The following UNC13C variants were observed in gnomAD, a reference collection of about 807,000 sequenced individuals.
UNC13C encodes unc-13 homolog C, also known as protein unc-13 homolog C.
Under a neutral mutation model 245.4 loss-of-function variants are expected in UNC13C, and 174 were observed. The observed-to-expected ratio is 0.71, with a 90% CI of 0.63 to 0.80. The LOEUF (loss-of-function observed/expected upper bound fraction) is 0.80, where lower values mean the gene tolerates loss of function less well. Among genes scored for constraint, UNC13C ranks in the 30% least tolerant of loss-of-function variants. The pLI is 0.00. For missense variants in UNC13C, 2,829 were observed against 2,602.9 expected, an observed-to-expected ratio of 1.09 and a Z score of -1.89; for synonymous variants, 992 against 895.1, an observed-to-expected ratio of 1.11 and a Z score of -1.93.
chr15:54,031,993 C>T (rs990453106), intron 2 of UNC13C, among the ~76,000 whole-genome samples: 2 of 152,012 alleles, frequency 1.3e-5, no homozygotes, highest in African/African-American at 4.8e-5. Context: ...CTTTTCTTAC[C>T]CCAATGTAAA....
the UNC13C span, among the ~76,000 whole-genome samples, chr15:53,892,412 A>G: frequency 2.0e-5 from 3 of 152,028 alleles, no homozygotes; most frequent in African/African-American, 4.8e-5. Flanking sequence ...CTGAATTTGA[A>G]TGTTGGCCTG....
chr15:54,214,085 T>C (rs539137878), intron 4 of UNC13C, among the ~76,000 whole-genome samples: 2 of 152,176 alleles, frequency 1.3e-5, no homozygotes, highest in East Asian at 1.9e-4. Context: ...CATTCCCTAA[T>C]TGGCAGTTCA....
intron 1 of UNC13C, among the ~76,000 whole-genome samples, chr15:54,007,679 T>C (rs187038702): frequency 4.3e-4 from 65 of 152,270 alleles, no homozygotes; most frequent in African/African-American, 1.3e-3. Context: ...AATACCTATG[T>C]AATGGGTTGA....
At chr15:54,299,809 T>G (rs193078346) in intron 12 of UNC13C, among the ~76,000 whole-genome samples, 3 of 152,138 alleles carry the variant, frequency 2.0e-5, no homozygotes, top group Admixed American at 6.6e-5. Context: ...TGGCGATGTA[T>G]GGTTTAATAA....
At chr15:54,316,576 C>T (rs1261995713) in intron 13 of UNC13C, among the ~76,000 whole-genome samples, 1 of 151,890 alleles carries the variant, frequency 6.6e-6, no homozygotes, top group Non-Finnish European at 1.5e-5. Flanking sequence ...AAATTTATTA[C>T]ATGACCGATT....
intron 19 of UNC13C, among the ~76,000 whole-genome samples, chr15:54,448,611 G>A (rs1349432399): frequency 6.6e-6 from 1 of 151,434 alleles, no homozygotes; most frequent in African/African-American, 2.4e-5. Flanking sequence ...GCCTTTTTTT[G>A]TTCTCCATTT....
chr15:54,073,834 T>A (rs886410399), intron 2 of UNC13C, among the ~76,000 whole-genome samples: 2 of 152,230 alleles, frequency 1.3e-5, no homozygotes, highest in African/African-American at 4.8e-5. Flanking sequence ...AGGTTGCCTG[T>A]TAACTCTGAT....
intron 4 of UNC13C, among the ~76,000 whole-genome samples, chr15:54,181,276 T>A (rs1478140798): frequency 6.6e-6 from 1 of 152,048 alleles, no homozygotes; most frequent in Non-Finnish European, 1.5e-5. Context: ...CATTGCTTAT[T>A]TTTGTAGACT....
At chr15:53,960,329 T>C in the UNC13C span, among the ~76,000 whole-genome samples, 1 of 147,080 alleles carries the variant, frequency 6.8e-6, no homozygotes, top group African/African-American at 2.5e-5. Flanking sequence ...ATATAATCTA[T>C]ATCATGTTTT....
At chr15:54,526,740 GAA>G (rs1164016477) in intron 25 of UNC13C, among the ~76,000 whole-genome samples, 11 of 63,104 alleles carry the variant, frequency 1.7e-4, no homozygotes, top group Non-Finnish European at 1.3e-4. Flanking sequence ...ACTCCGTCTA[GAA>G]AAAAAAAAAA....
downstream of UNC13C, chr15:54,630,142 G>A (rs1901424778): frequency 6.6e-6 from 1 of 152,094 alleles, no homozygotes; most frequent in Non-Finnish European, 1.5e-5. Context: ...GCTTGTCTAT[G>A]GATAAACCTC....
At chr15:53,927,909 G>A in the UNC13C span, among the ~76,000 whole-genome samples, 1 of 152,178 alleles carries the variant, frequency 6.6e-6, no homozygotes, top group Non-Finnish European at 1.5e-5. Flanking sequence ...CAAAGTAAAT[G>A]ATAGAATGCG....
chr15:54,126,293 C>T lies in UNC13C; in HGVS notation c.2984-16725C>T, dbSNP rs74860232. On this transcript the variant is annotated intron_variant, in intron 2 of 32. Coordinates refer to ENST00000260323, the MANE Select transcript of UNC13C (RefSeq NM_001080534.3). The stretch of plus-strand genomic sequence containing the variant: ...AAAGTAAAGCATGGAAAAAGATAGG[C>T]CATACAAACATTAATCTAATAAAGC... Among the ~76,000 whole-genome samples the T allele has an allele frequency of 4.3e-3, 660 of 151,944 alleles. 39 individuals carry two copies. The East Asian group carries it at 0.086, about 20-fold the overall frequency.
intron 29 of UNC13C, among the ~76,000 whole-genome samples, chr15:54,560,357 A>T (rs527936783): frequency 6.6e-6 from 1 of 152,116 alleles, no homozygotes; most frequent in South Asian, 2.1e-4. Context: ...AAGAATTCAG[A>T]GAGTTTTATT....
At chr15:54,207,469 G>A (rs931691810) in intron 4 of UNC13C, among the ~76,000 whole-genome samples, 4 of 152,046 alleles carry the variant, frequency 2.6e-5, no homozygotes, top group African/African-American at 9.7e-5. Context: ...ACACATAGCT[G>A]CCCAATGTTG....
intron 19 of UNC13C, among the ~76,000 whole-genome samples, chr15:54,430,962 A>C (rs926316732): frequency 1.3e-5 from 2 of 151,720 alleles, no homozygotes; most frequent in African/African-American, 4.8e-5. Context: ...CCATGTTGCA[A>C]CTTCTCTTTA....
chr15:53,926,106 GT>G, the UNC13C span, among the ~76,000 whole-genome samples: 1 of 151,092 alleles, frequency 6.6e-6, no homozygotes, highest in Admixed American at 6.6e-5. Context: ...AGATGATTTA[GT>G]TTTTTAGTTT....
intron 10 of UNC13C, among the ~76,000 whole-genome samples, chr15:54,285,329 C>A (rs2037116480): frequency 6.6e-6 from 1 of 152,062 alleles, no homozygotes; most frequent in African/African-American, 2.4e-5. Context: ...AGTTTCTCTG[C>A]ATCAACACTG....
In UNC13C at chr15:54,014,123, A is replaced by C. The variant is rs1285484107; in HGVS notation, c.1220A>C (p.Asp407Ala). 6.2e-7 allele frequency: 1 copy of C among 1,613,790 alleles called. No homozygotes were observed. The highest frequency in any genetic ancestry group is 2.2e-5 in the East Asian group (1 of 44,864). The part of the protein sequence containing the change: ...LKGTGIGIST[D>A]ILTHDIRERK... ...GGAACAGGCATTGGAATCTCAACAG[A>C]TATTCTAACTCATGACATCAGAGAA... Residue 407 changes from aspartate to alanine, a missense_variant, in exon 2 of 33, where the codon GAT (aspartate) becomes GCT (alanine). Transcript: ENST00000260323.
Sources: allele counts gnomAD v4.1 joint callset (sites outside exome capture counted in the v4.1 genomes callset), GRCh38; gene constraint gnomAD v4.1.1; transcripts MANE v1.5; gene names NCBI Gene and HGNC (gene_info 2026-07-23, HGNC 2026-07-21).